Variants in B4GALT6 observed in about 807,000 individuals in gnomAD.
B4GALT6 encodes the protein UDP-Gal:beta-GlcNAc beta-1,4-galactosyltransferase 6.
A neutral mutation model predicts 46.3 loss-of-function variants in B4GALT6; 14 were observed. The observed-to-expected ratio is 0.30, with a 90% confidence interval of 0.20 to 0.47. B4GALT6 has a LOEUF of 0.47. Among genes scored for constraint, B4GALT6 ranks in the 20% least tolerant of loss-of-function variants. The probability of loss-of-function intolerance (pLI) is 0.99; values close to 1 mark genes in which losing one functional copy is unlikely to be tolerated. For missense variants in B4GALT6, 386 were observed against 480.1 expected (o/e 0.80, Z 1.83); for synonymous variants, 168 against 162.0 (o/e 1.04, Z -0.28).
At chr18:31,702,686 C>A in the B4GALT6 span, among the ~76,000 whole-genome samples, 1 of 152,128 alleles carries the variant, frequency 6.6e-6, no homozygotes, top group African/African-American at 2.4e-5. Context: ...GAAGGAAAGG[C>A]ACAAATACCA....
chr18:31,659,733 G>A (rs917125405), intron 2 of B4GALT6, among the ~76,000 whole-genome samples: 8 of 152,090 alleles, frequency 5.3e-5, no homozygotes, highest in East Asian at 1.9e-4. Context: ...CTCCCTGGGC[G>A]AGTGCTGGAA....
At chr18:31,671,927 T>A (rs2074361694) in intron 1 of B4GALT6, among the ~76,000 whole-genome samples, 1 of 152,228 alleles carries the variant, frequency 6.6e-6, no homozygotes, top group African/African-American at 2.4e-5. Context: ...ATAGAAAGAA[T>A]AAAACCTATC....
At chr18:31,658,688 A>G (rs2074173939) in intron 2 of B4GALT6, among the ~76,000 whole-genome samples, 1 of 152,222 alleles carries the variant, frequency 6.6e-6, no homozygotes, top group Admixed American at 6.5e-5. Flanking sequence ...TAAACTGCAT[A>G]CAGGGCACCA....
chr18:31,645,829 C>T, intron 3 of B4GALT6, among the ~76,000 whole-genome samples: 1 of 152,220 alleles, frequency 6.6e-6, no homozygotes, highest in South Asian at 2.1e-4. Context: ...TATTTTAATA[C>T]CATTTTTAAT....
chr18:31,704,198 A>G, the B4GALT6 span, among the ~76,000 whole-genome samples: 87,568 of 151,370 alleles, frequency 0.58, 28,964 homozygotes, highest in Non-Finnish European at 0.74. Flanking sequence ...CAAAACCAAT[A>G]TCTTTTTATG....
chr18:31,684,290 G>A (rs768914568), intron 1 of B4GALT6, 22 bp downstream of exon 1: 2 of 1,612,970 alleles, frequency 1.2e-6, no homozygotes, highest in African/African-American at 1.3e-5. Context: ...CAGGGGAAGC[G>A]AGGGTGTGTC....
At chr18:31,675,094 C>T (rs1169071487) in intron 1 of B4GALT6, among the ~76,000 whole-genome samples, 1 of 152,228 alleles carries the variant, frequency 6.6e-6, no homozygotes, top group Non-Finnish European at 1.5e-5. Context: ...TCTTAGCTAA[C>T]AACTCAAGCT....
intron 4 of B4GALT6, among the ~76,000 whole-genome samples, chr18:31,643,191 T>C (rs537582512): frequency 6.6e-6 from 1 of 152,346 alleles, no homozygotes; most frequent in South Asian, 2.1e-4. Context: ...TTCTGAATCA[T>C]CTCCAAAATT....
At chr18:31,705,707 C>A in the B4GALT6 span, among the ~76,000 whole-genome samples, 2 of 152,084 alleles carry the variant, frequency 1.3e-5, no homozygotes, top group African/African-American at 4.8e-5. Flanking sequence ...TTTGTGTGGA[C>A]CTTTTTGTAT....
rs1418350890 is a variant in B4GALT6 at position 31,658,100 on chromosome 18, G to C, written c.233-11C>G. 4 of 1,487,054 alleles carry C rather than the reference G, an allele frequency of 2.7e-6. No homozygotes were observed. The highest frequency in any genetic ancestry group is 1.3e-5 in the South Asian group (1 of 77,612). The allele number at this position is 1,487,054 out of a possible 1,614,324, so 92.1% of individuals were successfully genotyped here. A position where few individuals can be genotyped will look rare whatever the true frequency, so the allele number is the denominator to read the frequency against. The stretch of plus-strand genomic sequence containing the variant: ...TGCCTTCGGGATAATCTTGGAAAGA[G>C]AGAAAAGAGTTACAAAAAAAAAAAA... On this transcript the variant is annotated splice_polypyrimidine_tract_variant and intron_variant, in intron 2 of 8. Transcript: ENST00000306851.
At chr18:31,663,812 G>A (rs893221740) in intron 2 of B4GALT6, among the ~76,000 whole-genome samples, 2 of 152,156 alleles carry the variant, frequency 1.3e-5, no homozygotes, top group Admixed American at 1.3e-4. Flanking sequence ...CATATTAAAG[G>A]AGACTGTTTT....
At chr18:31,706,468 T>C in the B4GALT6 span, among the ~76,000 whole-genome samples, 3 of 152,090 alleles carry the variant, frequency 2.0e-5, no homozygotes, top group African/African-American at 4.8e-5. Context: ...CTGCCTCTAC[T>C]AAAAATACAA....
rs1192136047 is a variant in B4GALT6, at chr18:31,629,849, C to CAA, written c.776+1108_776+1109dup. Among the ~76,000 whole-genome samples the CAA allele has an allele frequency of 1.7e-4, 10 of 60,088 alleles. No homozygotes were observed. In the South Asian group the frequency reaches 2.2e-3, roughly 13 times the overall value. The allele number at this position is 60,088 out of a possible 152,430, so 39.4% of individuals were successfully genotyped here. A position where few individuals can be genotyped will look rare whatever the true frequency, so the allele number is the denominator to read the frequency against. ...TGGGCGACAAAGCGAGACTCTGTCT[C>CAA]AAAAAAAAAAAAAAAAGAAAAAGAG... On this transcript the variant is annotated intron_variant, in intron 6 of 8. Transcript: ENST00000306851.
In B4GALT6 at chr18:31,624,762, T is replaced by G. The variant is rs888944583; in HGVS notation, c.*852A>C. ...AACACACAACCTTGGAAACATTTTT[T>G]GAGGCACAAAATCCCTGACACACCA... On this transcript the variant is annotated 3_prime_UTR_variant, in exon 9 of 9. Transcript: ENST00000306851. 2 of 152,526 alleles carry G rather than the reference T, an allele frequency of 1.3e-5. No individual in the cohort carries two copies. Among genetic ancestry groups the G allele is most frequent in the Non-Finnish European group, 2.9e-5 (2 of 68,016 alleles). The allele number at this position is 152,526 out of a possible 1,614,324, so 9.4% of individuals were successfully genotyped here. A position where few individuals can be genotyped will look rare whatever the true frequency, so the allele number is the denominator to read the frequency against.
rs2073710093 is a variant in B4GALT6, at chr18:31,627,123, TAGAAA to T, written c.777-7_777-3del. 3 of 1,590,790 alleles carry T rather than the reference TAGAAA, an allele frequency of 1.9e-6. No homozygotes were observed. Among genetic ancestry groups the T allele is most frequent in the Non-Finnish European group, 2.6e-6 (3 of 1,172,346 alleles). On this transcript the variant is annotated splice_polypyrimidine_tract_variant and splice_region_variant and intron_variant, in intron 6 of 8. Transcript: ENST00000306851. ...CCAAAAAATTCTTTATATGGAAGACTAGAAAAGAAAGACACAGTATTCTAAAAATA... is the reference window on the plus strand; with the variant it reads ...CCAAAAAATTCTTTATATGGAAGACTAGAAAGACACAGTATTCTAAAAATA...
At chr18:31,658,192 A>C in intron 2 of B4GALT6, 103 bp from the exon 3 acceptor site, 2 of 784,364 alleles carry the variant, frequency 2.5e-6, no homozygotes, top group Non-Finnish European at 4.2e-6. Context: ...ACAATATACA[A>C]TCTACAGAAG....
chr18:31,641,416 G>A (rs992591068), intron 4 of B4GALT6, among the ~76,000 whole-genome samples: 8 of 152,160 alleles, frequency 5.3e-5, no homozygotes, highest in African/African-American at 1.9e-4. Context: ...GTGAATATGT[G>A]ATAAATCTAA....
chr18:31,629,238 T>C (rs1376542887), intron 6 of B4GALT6, among the ~76,000 whole-genome samples: 1 of 152,130 alleles, frequency 6.6e-6, no homozygotes, highest in Admixed American at 6.5e-5. Flanking sequence ...GTTAAGCTTT[T>C]GGGGAGTCAA....
intron 4 of B4GALT6, among the ~76,000 whole-genome samples, chr18:31,642,362 A>G (rs2073940516): frequency 6.6e-6 from 1 of 152,176 alleles, no homozygotes; most frequent in Admixed American, 6.5e-5. Context: ...CATTTTCACC[A>G]TATGCCTCAA....
Sources: allele counts gnomAD v4.1 joint callset (sites outside exome capture counted in the v4.1 genomes callset), GRCh38; gene constraint gnomAD v4.1.1; transcripts MANE v1.5; gene names NCBI Gene and HGNC (gene_info 2026-07-23, HGNC 2026-07-21).